The following VIPR2 variants were observed in gnomAD, a reference collection of about 807,000 sequenced individuals.
VIPR2 encodes the protein vasoactive intestinal peptide receptor 2.
VIPR2 carries 48 observed loss-of-function variants against 58.0 expected under a neutral mutation model. That is an observed-to-expected ratio of 0.83 (90% CI 0.66 to 1.05). VIPR2 has a LOEUF of 1.05. Ranked by LOEUF, VIPR2 falls within the 50% of genes least tolerant of loss-of-function variation. VIPR2 has a pLI of 0.00. For synonymous variants in VIPR2, 243 were observed against 235.2 expected (o/e 1.03, Z -0.30); for missense variants, 534 against 558.0 (o/e 0.96, Z 0.43).
At position 159,097,344 on chromosome 7, in the gene VIPR2, G is replaced by T. The variant is rs933384258; in HGVS notation, c.357+6413C>A. ...GCCGAAATGCCAAACAGTTCTCTTG[G>T]CTAAATTTAGCAGACGTGCTCTTTA... On this transcript the variant is annotated intron_variant, in intron 4 of 12. Transcript: ENST00000262178. This position sits in a 1 kb window ranked among gnomAD's most constrained non-coding sequence, Gnocchi z 5.3. The T allele has an allele frequency of 9.1e-7, 1 of 1,094,362 alleles. No individual in the cohort carries two copies. The highest frequency in any genetic ancestry group is 1.6e-5 in the African/African-American group (1 of 63,586). The allele number at this position is 1,094,362 out of a possible 1,614,324, so 67.8% of individuals were successfully genotyped here.
chr7:159,080,097 A>C (rs1856828528), intron 4 of VIPR2, among the ~76,000 whole-genome samples: 1 of 152,218 alleles, frequency 6.6e-6, no homozygotes, highest in African/African-American at 2.4e-5. Context: ...AAAAAAGGGA[A>C]TCCTCCCTAG....
At chr7:159,132,532 T>A (rs1796963169) in intron 2 of VIPR2, among the ~76,000 whole-genome samples, 1 of 152,182 alleles carries the variant, frequency 6.6e-6, no homozygotes, top group African/African-American at 2.4e-5. Flanking sequence ...ATCCATGGAG[T>A]CTGGGACACC....
At chr7:159,113,655 G>A (rs555489710) in intron 2 of VIPR2, among the ~76,000 whole-genome samples, 1 of 152,252 alleles carries the variant, frequency 6.6e-6, no homozygotes, top group South Asian at 2.1e-4. Context: ...GAAAAACGAG[G>A]AAAAGCATAA....
At chr7:159,125,962 C>T in intron 2 of VIPR2, among the ~76,000 whole-genome samples, 1 of 152,174 alleles carries the variant, frequency 6.6e-6, no homozygotes, top group East Asian at 1.9e-4. Flanking sequence ...AGCTGCATTC[C>T]AGGACCTTCT....
intron 2 of VIPR2, among the ~76,000 whole-genome samples, chr7:159,140,924 C>A (rs1323202279): frequency 6.7e-6 from 1 of 149,018 alleles, no homozygotes; most frequent in Non-Finnish European, 1.5e-5. Context: ...TGGCTCCAGG[C>A]TCCCTCAAAA....
intron 2 of VIPR2, among the ~76,000 whole-genome samples, chr7:159,123,288 TAAAAAA>T (rs370294230): frequency 0.17 from 12,335 of 72,686 alleles, 689 homozygotes; most frequent in South Asian, 0.24. Context: ...CAAGACTCTG[TAAAAAA>T]AAAAAAAAAA....
intron 4 of VIPR2, among the ~76,000 whole-genome samples, chr7:159,101,855 G>A (rs1336324058): frequency 8.1e-6 from 1 of 122,720 alleles, no homozygotes; most frequent in African/African-American, 2.9e-5. Flanking sequence ...CACGAGATCC[G>A]ACGAGGCGGT....
intron 4 of VIPR2, among the ~76,000 whole-genome samples, chr7:159,061,889 C>A (rs1345451894): frequency 6.6e-6 from 1 of 152,076 alleles, no homozygotes; most frequent in Non-Finnish European, 1.5e-5. Context: ...GGACGCACTG[C>A]TAGCGGGAGA....
intron 5 of VIPR2, among the ~76,000 whole-genome samples, chr7:159,056,387 T>C (rs577893228): frequency 2.6e-5 from 4 of 152,324 alleles, no homozygotes; most frequent in Admixed American, 2.6e-4. Flanking sequence ...TATCCATCAA[T>C]ACAGAGGGCT....
rs1235927624 is a variant in VIPR2, at chr7:159,028,352, C to T, written c.*2264G>A. ...CAGCCGGCCCCTCTACCAGGAGAAACCAGTCAGCTCCGCTGAACAGTGGCA... is the reference window on the plus strand; with the variant it reads ...CAGCCGGCCCCTCTACCAGGAGAAATCAGTCAGCTCCGCTGAACAGTGGCA... On this transcript the variant is annotated 3_prime_UTR_variant, in exon 13 of 13. Transcript: ENST00000262178. 6.5e-6 allele frequency: 1 copy of T among 153,348 alleles called. No homozygotes were observed. Among genetic ancestry groups the T allele is most frequent in the Non-Finnish European group, 1.5e-5 (1 of 68,754 alleles). 9.5% of individuals were successfully genotyped at this position (153,348 alleles called of 1,614,324 possible).
At chr7:159,067,442 G>A (rs1856156263) in intron 4 of VIPR2, among the ~76,000 whole-genome samples, 2 of 152,150 alleles carry the variant, frequency 1.3e-5, no homozygotes, top group African/African-American at 4.8e-5. Flanking sequence ...TCCACCAACG[G>A]CCCAGAACCC....
At chr7:159,041,417 C>T (rs987056896) in intron 6 of VIPR2, among the ~76,000 whole-genome samples, 1 of 147,212 alleles carries the variant, frequency 6.8e-6, no homozygotes, top group African/African-American at 2.5e-5. Flanking sequence ...GAGGGTCTGT[C>T]GAGGGTCCTG....
In VIPR2 at chr7:159,031,921, C is replaced by G. The variant is rs767585151; in HGVS notation, c.1101+17G>C. 2 of 1,613,998 alleles carry G rather than the reference C, an allele frequency of 1.2e-6. No individual in the cohort carries two copies. The highest frequency in any genetic ancestry group is 1.7e-6 in the Non-Finnish European group (2 of 1,180,038). Reference sequence around the variant, plus strand: ...GGACCCGCGCTCGGGGGAGGGCGGCCGCCTCCGCACACCTACCTGGAACGA... The same window carrying G: ...GGACCCGCGCTCGGGGGAGGGCGGCGGCCTCCGCACACCTACCTGGAACGA... On this transcript the variant is annotated intron_variant, in intron 11 of 12. Transcript: ENST00000262178. This position sits in a 1 kb window ranked among gnomAD's most constrained non-coding sequence, Gnocchi z 4.0.
intron 4 of VIPR2, among the ~76,000 whole-genome samples, chr7:159,085,976 G>A (rs533765980): frequency 6.6e-5 from 10 of 152,274 alleles, no homozygotes; most frequent in Admixed American, 2.0e-4. Context: ...AAACCACCAG[G>A]AGTGAGCCCT....
intron 2 of VIPR2, chr7:159,117,461 A>C (rs971594386): frequency 2.8e-6 from 2 of 714,776 alleles, no homozygotes; most frequent in African/African-American, 3.5e-5. Flanking sequence ...GCACCACACA[A>C]AGGCAATGCA....
intron 4 of VIPR2, among the ~76,000 whole-genome samples, 195 bp from the exon 5 acceptor site, chr7:159,058,773 T>C (rs921621801): frequency 6.6e-6 from 1 of 152,216 alleles, no homozygotes; most frequent in Non-Finnish European, 1.5e-5. Context: ...GAACCTCCAC[T>C]TTTTTCTTAT....
chr7:159,031,880 A>G lies in VIPR2; in HGVS notation c.1102-11T>C, dbSNP rs1319057284. On this transcript the variant is annotated splice_polypyrimidine_tract_variant and intron_variant, in intron 11 of 12. Coordinates refer to ENST00000262178, the MANE Select transcript of VIPR2 (RefSeq NM_003382.5). The surrounding 1 kb of genome is among the most constrained non-coding windows in gnomAD (Gnocchi z 4.0). The stretch of plus-strand genomic sequence containing the variant: ...GGCCACCACCAGGCCCTGCAATGAG[A>G]AGAGATGGTCAGGCAGGACCCGCGC... 6.2e-7 allele frequency: 1 copy of G among 1,614,050 alleles called. No individual in the cohort carries two copies. Among genetic ancestry groups the G allele is most frequent in the South Asian group, 1.1e-5 (1 of 91,082 alleles).
At chr7:159,122,172 G>A (rs1249602796) in intron 2 of VIPR2, among the ~76,000 whole-genome samples, 4 of 152,222 alleles carry the variant, frequency 2.6e-5, no homozygotes, top group Non-Finnish European at 4.4e-5. Context: ...GGGACATGAC[G>A]GGTGGCAGGA....
At chr7:159,041,330 T>C (rs1053265688) in intron 6 of VIPR2, among the ~76,000 whole-genome samples, 2 of 152,218 alleles carry the variant, frequency 1.3e-5, no homozygotes, top group Admixed American at 6.5e-5. Context: ...AGAGAGCTGC[T>C]GCTCCAGGCC....
Sources: allele counts gnomAD v4.1 joint callset (sites outside exome capture counted in the v4.1 genomes callset), GRCh38; gene constraint gnomAD v4.1.1; non-coding constraint Gnocchi (gnomAD v3.1); transcripts MANE v1.5; gene names NCBI Gene and HGNC (gene_info 2026-07-23, HGNC 2026-07-21).